Variants in CACHD1 observed in about 807,000 individuals in gnomAD.
CACHD1 encodes the protein VWFA and cache domain-containing protein 1.
A neutral mutation model predicts 138.7 loss-of-function variants in CACHD1; 71 were observed. The observed-to-expected ratio is 0.51, with a 90% CI of 0.42 to 0.62. CACHD1 has a LOEUF of 0.62. CACHD1 is among the 20% of genes least tolerant of loss of function. The probability of loss-of-function intolerance (pLI) is 0.00; values close to 1 mark genes in which losing one functional copy is unlikely to be tolerated. For synonymous variants in CACHD1, 578 were observed against 591.5 expected (o/e 0.98, Z 0.33); for missense variants, 1,389 against 1,625.3 (o/e 0.85, Z 2.50).
At chr1:64,600,993 C>CT (rs768589294) in intron 3 of CACHD1, among the ~76,000 whole-genome samples, 36 of 152,206 alleles carry the variant, frequency 2.4e-4, no homozygotes, top group Non-Finnish European at 5.9e-5. Context: ...CCACATGTGT[C>CT]TAACATGTTG....
At chr1:64,557,497 C>T (rs1646807378) in intron 2 of CACHD1, among the ~76,000 whole-genome samples, 1 of 152,130 alleles carries the variant, frequency 6.6e-6, no homozygotes, top group African/African-American at 2.4e-5. Context: ...TCAGAGAGAA[C>T]TGAGAGAACT....
chr1:64,637,380 G>T (rs1490032647), intron 7 of CACHD1, among the ~76,000 whole-genome samples: 1 of 152,178 alleles, frequency 6.6e-6, no homozygotes, highest in Non-Finnish European at 1.5e-5. Flanking sequence ...CATTGAGCAG[G>T]AATGTCTGCC....
intron 23 of CACHD1, among the ~76,000 whole-genome samples, chr1:64,678,695 T>C (rs1248159989): frequency 6.6e-6 from 1 of 152,114 alleles, no homozygotes; most frequent in Non-Finnish European, 1.5e-5. Context: ...CTCACAACTT[T>C]TGCAAGGTAG....
chr1:64,498,623 A>G (rs918044069), intron 1 of CACHD1, among the ~76,000 whole-genome samples: 1 of 152,218 alleles, frequency 6.6e-6, no homozygotes, highest in African/African-American at 2.4e-5. Context: ...AGCATCTCTC[A>G]GTATTTGAAA....
chr1:64,592,152 T>A (rs902113328), intron 3 of CACHD1, among the ~76,000 whole-genome samples: 22 of 152,232 alleles, frequency 1.4e-4, no homozygotes, highest in African/African-American at 5.3e-4. Flanking sequence ...AGCTCTGATG[T>A]GAAACATGTT....
intron 2 of CACHD1, among the ~76,000 whole-genome samples, chr1:64,554,315 A>G (rs1307590811): frequency 6.6e-6 from 1 of 152,224 alleles, no homozygotes; most frequent in Non-Finnish European, 1.5e-5. Context: ...CAACTTAATG[A>G]TGGTAGAACT....
chr1:64,613,545 C>T (rs949551621), intron 4 of CACHD1: 8 of 152,094 alleles, frequency 5.3e-5, no homozygotes, highest in African/African-American at 9.7e-5. Context: ...AAAAGTCAGG[C>T]TCTCATTGCT....
chr1:64,577,074 G>T (rs1198737220), intron 2 of CACHD1, among the ~76,000 whole-genome samples: 3 of 152,004 alleles, frequency 2.0e-5, no homozygotes, highest in African/African-American at 7.2e-5. Flanking sequence ...CCTCTGGGTA[G>T]CTGGGACTAC....
At chr1:64,522,079 A>G (rs181927349) in intron 1 of CACHD1, among the ~76,000 whole-genome samples, 2 of 152,326 alleles carry the variant, frequency 1.3e-5, no homozygotes, top group Admixed American at 6.5e-5. Context: ...TAAAACTTTT[A>G]TAGATTTAGT....
At chr1:64,652,403 A>G in intron 10 of CACHD1, 93 bp downstream of exon 10, 1 of 1,147,980 alleles carries the variant, frequency 8.7e-7, no homozygotes, top group Non-Finnish European at 1.2e-6. Flanking sequence ...GGAAAATGAT[A>G]GTGTAAAGAA....
chr1:64,538,781 C>T (rs1237007000), intron 1 of CACHD1, among the ~76,000 whole-genome samples: 1 of 152,180 alleles, frequency 6.6e-6, no homozygotes, highest in Non-Finnish European at 1.5e-5. Context: ...TATAAATGAA[C>T]ACTTCTTCAG....
rs150128550 is a variant in CACHD1 at position 64,588,080 on chromosome 1, T to C, written c.410+5776T>C. Among the ~76,000 whole-genome samples, 551 of 152,292 alleles carry C rather than the reference T, an allele frequency of 3.6e-3. 3 individuals are homozygous for C. The highest frequency in any genetic ancestry group is 0.013 in the African/African-American group (526 of 41,576). ...CAGGACAGGGGATGAGTTCCTGACC[T>C]GATGTGTTATACCCAACCTATTTTC... On this transcript the variant is annotated intron_variant, in intron 3 of 26. Coordinates refer to ENST00000651257, the MANE Select transcript of CACHD1 (RefSeq NM_020925.4).
intron 16 of CACHD1, 124 bp downstream of exon 16, chr1:64,666,291 C>G (rs1387308851): frequency 3.7e-6 from 2 of 543,148 alleles, no homozygotes; most frequent in South Asian, 5.4e-5. Context: ...GTGAGGCCAG[C>G]TGGGATTTGA....
intron 1 of CACHD1, among the ~76,000 whole-genome samples, chr1:64,486,519 T>C (rs767433499): frequency 4.6e-5 from 7 of 152,164 alleles, no homozygotes; most frequent in Non-Finnish European, 1.0e-4. Flanking sequence ...CAAAGGAAAT[T>C]TGCTTTTATT....
chr1:64,675,009 A>C (rs1363404080), intron 19 of CACHD1, among the ~76,000 whole-genome samples: 8 of 152,238 alleles, frequency 5.3e-5, no homozygotes, highest in African/African-American at 1.9e-4. Context: ...TTTGTGGTTA[A>C]CTAGGTTTGC....
chr1:64,633,941 G>GTAGGCC (rs1319174357), intron 6 of CACHD1, 103 bp from the exon 7 acceptor site: 1 of 775,922 alleles, frequency 1.3e-6, no homozygotes, highest in Admixed American at 2.8e-5. Context: ...AATCTGTTCT[G>GTAGGCC]TAGGCCTTCT....
Position 64,502,854 on chromosome 1 carries a change from G to A in CACHD1, c.198+31912G>A, listed in dbSNP as rs1231785889. On this transcript the variant is annotated intron_variant, in intron 1 of 26. Transcript: ENST00000651257. ...GCCTTAAAACTGACCACTGAATTAT[G>A]GAAACTGAACGGAAAAAGGCTTTGT... 3.3e-5 allele frequency among the ~76,000 whole-genome samples: 5 copies of A among 152,040 alleles called. No homozygotes were observed. The East Asian group carries it at 9.6e-4, about 29-fold the overall frequency.
rs150513564 is a variant in CACHD1 at position 64,491,655 on chromosome 1, T to C, written c.198+20713T>C. Among the ~76,000 whole-genome samples, 888 of 152,272 alleles carry C rather than the reference T, an allele frequency of 5.8e-3. 11 individuals are homozygous for C. Among genetic ancestry groups the C allele is most frequent in the Middle Eastern group, 0.031 (9 of 294 alleles). Reference sequence around the variant, plus strand: ...GTGAGACTTGGGTGGGGACACAGACTCAAACCATATCACCCTCTGTTGCCC... The same window carrying C: ...GTGAGACTTGGGTGGGGACACAGACCCAAACCATATCACCCTCTGTTGCCC... On this transcript the variant is annotated intron_variant, in intron 1 of 26. Transcript: ENST00000651257.
chr1:64,553,753 G>C (rs1646777036), intron 2 of CACHD1, among the ~76,000 whole-genome samples: 1 of 151,936 alleles, frequency 6.6e-6, no homozygotes, highest in Non-Finnish European at 1.5e-5. Flanking sequence ...CTAATTTTTT[G>C]TTAGCAATTC....
Sources: allele counts gnomAD v4.1 joint callset (sites outside exome capture counted in the v4.1 genomes callset), GRCh38; gene constraint gnomAD v4.1.1; transcripts MANE v1.5; gene names NCBI Gene and HGNC (gene_info 2026-07-23, HGNC 2026-07-21).